The following SNTB1 variants were observed in gnomAD, a reference collection of about 807,000 sequenced individuals.
SNTB1 encodes syntrophin beta 1.
A neutral mutation model predicts 48.9 loss-of-function variants in SNTB1; 36 were observed. The observed-to-expected ratio is 0.74, with a 90% CI of 0.56 to 0.97. The LOEUF is 0.97. Among genes scored for constraint, SNTB1 ranks in the 50% least tolerant of loss-of-function variants. The probability of loss-of-function intolerance (pLI) is 0.00; values close to 1 mark genes in which losing one functional copy is unlikely to be tolerated. For synonymous variants in SNTB1, 299 were observed against 294.6 expected, an observed-to-expected ratio of 1.01 and a Z score of -0.15; for missense variants, 786 against 703.4, an observed-to-expected ratio of 1.12 and a Z score of -1.33.
chr8:120,696,004 A>T (rs1818205243), intron 1 of SNTB1, among the ~76,000 whole-genome samples: 2 of 152,122 alleles, frequency 1.3e-5, no homozygotes, highest in African/African-American at 4.8e-5. Context: ...CAAATGCAGA[A>T]ATTTAGGGGG....
chr8:120,560,229 T>C (rs1217215673), intron 4 of SNTB1, among the ~76,000 whole-genome samples: 1 of 152,144 alleles, frequency 6.6e-6, no homozygotes, highest in Admixed American at 6.5e-5. Context: ...ATGCGTGTAA[T>C]CCCATCACTT....
chr8:120,678,179 G>A (rs1817870032), intron 2 of SNTB1, among the ~76,000 whole-genome samples: 1 of 151,868 alleles, frequency 6.6e-6, no homozygotes, highest in South Asian at 2.1e-4. Flanking sequence ...AAACATTTTT[G>A]CAGCCTAGAG....
At chr8:120,570,966 G>A (rs1481520863) in intron 4 of SNTB1, 1 of 214,376 alleles carries the variant, frequency 4.7e-6, no homozygotes, top group Non-Finnish European at 9.2e-6. Flanking sequence ...ATGTGTTCCT[G>A]CACATCAACA....
intron 2 of SNTB1, among the ~76,000 whole-genome samples, chr8:120,660,211 CTT>C (rs1170833581): frequency 1.3e-5 from 2 of 152,350 alleles, no homozygotes; most frequent in East Asian, 3.9e-4. Context: ...AAGACAATGA[CTT>C]CTCTTCTCTA....
chr8:120,678,232 C>T (rs989997015), intron 2 of SNTB1, among the ~76,000 whole-genome samples: 3 of 152,136 alleles, frequency 2.0e-5, no homozygotes, highest in Non-Finnish European at 2.9e-5. Context: ...AATGTGCCCC[C>T]TTCCTCTCCT....
chr8:120,584,366 G>A (rs941047554), intron 3 of SNTB1, among the ~76,000 whole-genome samples: 3 of 145,010 alleles, frequency 2.1e-5, no homozygotes, highest in Non-Finnish European at 3.0e-5. Flanking sequence ...TCGAACCCAG[G>A]AGGCAGAGGT....
At chr8:120,796,031 T>C (rs143386217) in intron 1 of SNTB1, among the ~76,000 whole-genome samples, 1 of 152,030 alleles carries the variant, frequency 6.6e-6, no homozygotes, top group Non-Finnish European at 1.5e-5. Context: ...ATCCCCCAGG[T>C]TGGACTAGGG....
intron 1 of SNTB1, among the ~76,000 whole-genome samples, chr8:120,752,147 G>C (rs1346557666): frequency 1.3e-5 from 2 of 152,200 alleles, no homozygotes; most frequent in East Asian, 3.9e-4. Flanking sequence ...GAGAAGGGCA[G>C]GTGTATGTGG....
intron 3 of SNTB1, among the ~76,000 whole-genome samples, chr8:120,612,010 C>A (rs1033843101): frequency 6.6e-6 from 1 of 152,034 alleles, no homozygotes; most frequent in African/African-American, 2.4e-5. Context: ...TCCCTCCAAA[C>A]AGAGTGAGTC....
chr8:120,656,978 A>G (rs1237110985), intron 2 of SNTB1, among the ~76,000 whole-genome samples: 1 of 152,230 alleles, frequency 6.6e-6, no homozygotes, highest in Non-Finnish European at 1.5e-5. Flanking sequence ...AGCTTAGACA[A>G]CTAAATTAAT....
chr8:120,544,286 G>A (rs1474142820), intron 5 of SNTB1, among the ~76,000 whole-genome samples: 1 of 152,136 alleles, frequency 6.6e-6, no homozygotes, highest in Non-Finnish European at 1.5e-5. Context: ...CAAATACTCT[G>A]GTTGACCTCA....
intron 4 of SNTB1, among the ~76,000 whole-genome samples, chr8:120,552,541 A>G (rs1219608987): frequency 6.6e-6 from 1 of 152,114 alleles, no homozygotes; most frequent in African/African-American, 2.4e-5. Flanking sequence ...TATTTTTAGT[A>G]GAGATGGGGT....
intron 4 of SNTB1, among the ~76,000 whole-genome samples, chr8:120,553,968 A>C (rs955704927): frequency 6.6e-6 from 1 of 152,234 alleles, no homozygotes; most frequent in Admixed American, 6.5e-5. Context: ...ACTGGACTCC[A>C]GCCTGGGGAA....
intron 1 of SNTB1, among the ~76,000 whole-genome samples, chr8:120,742,065 C>A (rs1432563348): frequency 2.0e-5 from 3 of 152,054 alleles, no homozygotes; most frequent in African/African-American, 7.3e-5. Context: ...AGGGGATGGG[C>A]AGGTAGAATA....
At chr8:120,633,337 G>A (rs1817014837) in intron 2 of SNTB1, among the ~76,000 whole-genome samples, 1 of 152,182 alleles carries the variant, frequency 6.6e-6, no homozygotes, top group African/African-American at 2.4e-5. Flanking sequence ...CCACCACGCT[G>A]GCTCATGACT....
At chr8:120,671,843 G>T (rs996895453) in intron 2 of SNTB1, among the ~76,000 whole-genome samples, 1 of 152,180 alleles carries the variant, frequency 6.6e-6, no homozygotes, top group Admixed American at 6.5e-5. Context: ...CAAGTGGCCT[G>T]GATGTAGGAC....
intron 1 of SNTB1, among the ~76,000 whole-genome samples, chr8:120,809,630 G>C (rs569055374): frequency 8.4e-4 from 125 of 149,248 alleles, no homozygotes; most frequent in African/African-American, 2.9e-3. Context: ...CCCTCCTCCA[G>C]TATTTACAGT....
chr8:120,645,951 T>C (rs1430721548), intron 2 of SNTB1, among the ~76,000 whole-genome samples: 17 of 144,216 alleles, frequency 1.2e-4, no homozygotes, highest in African/African-American at 4.4e-4. Flanking sequence ...TCACTCATGA[T>C]TTGGCTCTCT....
chr8:120,804,076 A>G (rs1290589845), intron 1 of SNTB1, among the ~76,000 whole-genome samples: 13 of 152,140 alleles, frequency 8.5e-5, no homozygotes, highest in Admixed American at 4.6e-4. Context: ...CTTTCATTAT[A>G]CCATGTCTAA....
Sources: allele counts gnomAD v4.1 joint callset (sites outside exome capture counted in the v4.1 genomes callset), GRCh38; gene constraint gnomAD v4.1.1; transcripts MANE v1.5; gene names NCBI Gene and HGNC (gene_info 2026-07-23, HGNC 2026-07-21).